The following UGT1A10 variants were observed in gnomAD, a reference collection of about 807,000 sequenced individuals.
The protein encoded by UGT1A10 is UDP glucuronosyltransferase family 1 member A10, also known as UDP-glucuronosyltransferase 1A10.
Under a neutral mutation model 45.8 loss-of-function variants are expected in UGT1A10, and 49 were observed. That is an observed-to-expected ratio of 1.07 (90% CI 0.85 to 1.36). The LOEUF (loss-of-function observed/expected upper bound fraction) is 1.36, where lower values mean the gene tolerates loss of function less well. UGT1A10 is among the 40% of genes most tolerant of loss of function. The probability of loss-of-function intolerance (pLI) is 0.00; values close to 1 mark genes in which losing one functional copy is unlikely to be tolerated. For synonymous variants in UGT1A10, 284 were observed against 249.7 expected, an observed-to-expected ratio of 1.14 and a Z score of -1.29; for missense variants, 745 against 668.6, an observed-to-expected ratio of 1.11 and a Z score of -1.26.
intron 1 of UGT1A10, chr2:233,754,798 C>T (rs781516183): frequency 6.4e-6 from 8 of 1,247,628 alleles, no homozygotes; most frequent in African/African-American, 6.1e-5. Context: ...AATCCTGTAT[C>T]AAAAGAAGAA....
At position 233,747,294 on chromosome 2, in the gene UGT1A10, G is replaced by T. The variant is rs1361092863; in HGVS notation, c.856-19740G>T. 2.5e-6 allele frequency: 4 copies of T among 1,601,728 alleles called. No homozygotes were observed. In the Admixed American group the frequency reaches 6.7e-5, roughly 27 times the overall value. ...TTCTCAGTGCCCAGCCCTGGGCTGA[G>T]AGTGGGAAGGTGCTGGTGGTACCCA... On this transcript the variant is annotated intron_variant, in intron 1 of 4. Transcript: ENST00000344644.
intron 1 of UGT1A10, among the ~76,000 whole-genome samples, chr2:233,749,338 G>A (rs996223048): frequency 2.0e-5 from 3 of 151,868 alleles, no homozygotes; most frequent in Admixed American, 6.5e-5. Flanking sequence ...GTTGAAAAGT[G>A]GGATGGAATT....
intron 1 of UGT1A10, 48 bp downstream of exon 1, chr2:233,637,425 A>G: frequency 6.5e-7 from 1 of 1,548,884 alleles, no homozygotes; most frequent in Non-Finnish European, 8.7e-7. Flanking sequence ...GGCTTTGGAA[A>G]TTAAAAAAGG....
intron 1 of UGT1A10, among the ~76,000 whole-genome samples, chr2:233,650,905 A>G (rs2073722248): frequency 1.3e-5 from 2 of 152,308 alleles, no homozygotes; most frequent in South Asian, 4.1e-4. Context: ...TTACTTTTTT[A>G]GCAATGGACC....
At chr2:233,759,591 C>T (rs984696431) in intron 1 of UGT1A10, among the ~76,000 whole-genome samples, 2 of 147,100 alleles carry the variant, frequency 1.4e-5, no homozygotes, top group Non-Finnish European at 3.0e-5. Context: ...GCACGCCCCC[C>T]ACCCCCGACC....
At chr2:233,749,908 A>G (rs1325539824) in intron 1 of UGT1A10, among the ~76,000 whole-genome samples, 1 of 151,938 alleles carries the variant, frequency 6.6e-6, no homozygotes, top group African/African-American at 2.4e-5. Flanking sequence ...AGCCACCTGG[A>G]ACTGTGAGTC....
At chr2:233,676,501 TAA>T (rs1190598583) in intron 1 of UGT1A10, among the ~76,000 whole-genome samples, 1 of 152,242 alleles carries the variant, frequency 6.6e-6, no homozygotes, top group Non-Finnish European at 1.5e-5. Context: ...AGCTAAAAGC[TAA>T]AGTCTGTTTC....
At position 233,691,298 on chromosome 2, in the gene UGT1A10, A is replaced by G. The variant is rs754901795; in HGVS notation, c.855+53921A>G. ...TGACTTTGATCATTGTAAGCTGCCA[A>G]TCCTCTTGGGAGGCTGCTCCCAGCT... On this transcript the variant is annotated intron_variant, in intron 1 of 4. Transcript: ENST00000344644. The G allele has an allele frequency of 4.3e-4, 423 of 985,386 alleles. 1 individual carries two copies. Among genetic ancestry groups the G allele is most frequent in the Non-Finnish European group, 4.9e-4 (407 of 829,986 alleles). 61.0% of individuals were successfully genotyped at this position (985,386 alleles called of 1,614,324 possible).
intron 2 of UGT1A10, 44 bp downstream of exon 2, chr2:233,767,209 A>G: frequency 1.2e-6 from 2 of 1,613,062 alleles, no homozygotes; most frequent in Non-Finnish European, 1.7e-6. Flanking sequence ...TTTTCACAGG[A>G]GCGCTAATCC....
At chr2:233,744,115 T>G (rs556316328) in intron 1 of UGT1A10, 2 of 367,954 alleles carry the variant, frequency 5.4e-6, no homozygotes, top group East Asian at 1.5e-4. Flanking sequence ...CCCTGCTCTC[T>G]GTGAGGCTCT....
chr2:233,719,459 C>T (rs758684998), intron 1 of UGT1A10: 2 of 1,613,896 alleles, frequency 1.2e-6, no homozygotes, highest in East Asian at 4.5e-5. Context: ...GGGTCAAGAA[C>T]ATGCTCTACC....
Position 233,767,867 on chromosome 2 carries a change from G to A in UGT1A10, c.1006G>A (p.Gly336Arg). ...CTCCCAGGTCCTGTGGCGGTACACTGGAACCCGACCATCGAATCTTGCGAA... is the reference window on the plus strand; with the variant it reads ...CTCCCAGGTCCTGTGGCGGTACACTAGAACCCGACCATCGAATCTTGCGAA... ...IPQTVLWRYT[G>R]TRPSNLANNT... Residue 336 changes from glycine to arginine, a missense_variant, in exon 3 of 5, where the codon GGA (glycine) becomes AGA (arginine). Coordinates refer to ENST00000344644, the MANE Select transcript of UGT1A10 (RefSeq NM_019075.4). The A allele has an allele frequency of 1.2e-6, 2 of 1,614,118 alleles. No individual in the cohort carries two copies. Among genetic ancestry groups the A allele is most frequent in the Non-Finnish European group, 1.7e-6 (2 of 1,180,024 alleles).
At chr2:233,754,193 TA>T (rs1341563622) in intron 1 of UGT1A10, 2 of 162,294 alleles carry the variant, frequency 1.2e-5, no homozygotes, top group African/African-American at 4.8e-5. Context: ...CACCACACAG[TA>T]AAACATTGAA....
intron 1 of UGT1A10, chr2:233,755,317 G>T: frequency 3.8e-6 from 2 of 525,706 alleles, no homozygotes; most frequent in Non-Finnish European, 6.2e-6. Flanking sequence ...CGAGCGGCAA[G>T]GCTGCCAGCA....
chr2:233,690,537 C>T, intron 1 of UGT1A10: 1 of 1,289,784 alleles, frequency 7.8e-7, no homozygotes, highest in Non-Finnish European at 1.0e-6. Flanking sequence ...TTCTTTCACC[C>T]CACTGGAATA....
chr2:233,754,865 T>G, intron 1 of UGT1A10: 2 of 1,351,074 alleles, frequency 1.5e-6, no homozygotes, highest in Non-Finnish European at 2.0e-6. Flanking sequence ...GTGCAGACCC[T>G]CTGCTTCTGC....
At chr2:233,690,656 A>G in intron 1 of UGT1A10, 1 of 1,283,474 alleles carries the variant, frequency 7.8e-7, no homozygotes, top group Non-Finnish European at 1.0e-6. Flanking sequence ...CTCCTACAGC[A>G]CCAACCAGGG....
intron 1 of UGT1A10, among the ~76,000 whole-genome samples, chr2:233,731,166 GA>G (rs1244756545): frequency 7.9e-5 from 12 of 151,866 alleles, no homozygotes; most frequent in Admixed American, 3.3e-4. Flanking sequence ...CAAACGACAT[GA>G]TTTTTTTATG....
chr2:233,641,565 ATTCTGTGTAT>A (rs954977506), intron 1 of UGT1A10, among the ~76,000 whole-genome samples: 2 of 152,226 alleles, frequency 1.3e-5, no homozygotes, highest in Non-Finnish European at 2.9e-5. Context: ...ATGTTATAAT[ATTCTGTGTAT>A]TTCTGTGTAC....
Sources: allele counts gnomAD v4.1 joint callset (sites outside exome capture counted in the v4.1 genomes callset), GRCh38; gene constraint gnomAD v4.1.1; transcripts MANE v1.5; gene names NCBI Gene and HGNC (gene_info 2026-07-23, HGNC 2026-07-21).